The following MLANA variants were observed in gnomAD, a reference collection of about 807,000 sequenced individuals.
The protein encoded by MLANA is melanoma antigen recognized by T-cells 1.
MLANA carries 21 observed loss-of-function variants against 15.7 expected under a neutral mutation model. The observed-to-expected ratio is 1.33, with a 90% CI of 0.95 to 1.92. The LOEUF (loss-of-function observed/expected upper bound fraction) is 1.92, where lower values mean the gene tolerates loss of function less well. MLANA is among the 40% of genes most tolerant of loss of function. The pLI is 0.00. For missense variants in MLANA, 164 were observed against 143.8 expected (o/e 1.14, Z -0.72); for synonymous variants, 56 against 51.5 (o/e 1.09, Z -0.37).
Position 5,892,453 on chromosome 9 carries a change from T to G in MLANA, c.-22T>G, listed in dbSNP as rs1254507006. ...GCCCACATGCTCCTTCTGTTAGGTG[T>G]CCTGTGCCCTGACCCTACAAGATGC... On this transcript the variant is annotated 5_prime_UTR_variant, in exon 2 of 5. Coordinates refer to ENST00000381477, the MANE Select transcript of MLANA (RefSeq NM_005511.2). 6.2e-7 allele frequency: 1 copy of G among 1,605,292 alleles called. No individual in the cohort carries two copies. The highest frequency in any genetic ancestry group is 8.5e-7 in the Non-Finnish European group (1 of 1,176,608).
intron 3 of MLANA, 43 bp downstream of exon 3, chr9:5,897,696 C>T: frequency 6.6e-7 from 1 of 1,513,532 alleles, no homozygotes. Context: ...AAGTCCAGGG[C>T]CCTCTTTCCA....
At position 5,907,597 on chromosome 9, in the gene MLANA, A is replaced by G. The variant is rs375959440; in HGVS notation, c.288+599A>G. Among the ~76,000 whole-genome samples, 5 of 152,368 alleles carry G rather than the reference A, an allele frequency of 3.3e-5. No individual in the cohort carries two copies. In the East Asian group the frequency reaches 7.7e-4, roughly 23 times the overall value. ...AAATATTCTGAAAATATTAGGTTAA[A>G]CAAAATATTTTAAGATTAATTTTAC... On this transcript the variant is annotated intron_variant, in intron 4 of 4. Coordinates refer to ENST00000381477, the MANE Select transcript of MLANA (RefSeq NM_005511.2).
chr9:5,907,559 T>C lies in MLANA; in HGVS notation c.288+561T>C, dbSNP rs143434616. Reference sequence around the variant, plus strand: ...GGTTCATTAATGATTTTTATATTGATTCACCTTGAAATAAATATTCTGAAA... The same window carrying C: ...GGTTCATTAATGATTTTTATATTGACTCACCTTGAAATAAATATTCTGAAA... On this transcript the variant is annotated intron_variant, in intron 4 of 4. Coordinates refer to ENST00000381477, the MANE Select transcript of MLANA (RefSeq NM_005511.2). Among the ~76,000 whole-genome samples, 9 of 152,352 alleles carry C rather than the reference T, an allele frequency of 5.9e-5. 1 individual carries two copies. The East Asian group carries it at 1.7e-3, about 29-fold the overall frequency.
At position 5,894,261 on chromosome 9, in the gene MLANA, G is replaced by C. The variant is rs1831860873; in HGVS notation, c.77+1710G>C. Among the ~76,000 whole-genome samples, 1 of 152,096 alleles carries C rather than the reference G, an allele frequency of 6.6e-6. No homozygotes were observed. The highest frequency in any genetic ancestry group is 6.5e-5 in the Admixed American group (1 of 15,270). On this transcript the variant is annotated intron_variant, in intron 2 of 4. Coordinates refer to ENST00000381477, the MANE Select transcript of MLANA (RefSeq NM_005511.2). This position sits in a 1 kb window ranked among gnomAD's most constrained non-coding sequence, Gnocchi z 4.0. ...TCATAGCCAGGTGTACCCACAACCTGAACAAGGTAACTTTCAGGGTCTAGT... is the reference window on the plus strand; with the variant it reads ...TCATAGCCAGGTGTACCCACAACCTCAACAAGGTAACTTTCAGGGTCTAGT...
chr9:5,898,759 C>T (rs1175672941), intron 3 of MLANA, among the ~76,000 whole-genome samples: 4 of 152,328 alleles, frequency 2.6e-5, no homozygotes, highest in African/African-American at 7.2e-5. Flanking sequence ...TCACCCCTTT[C>T]CTCACTGGTT....
chr9:5,899,029 T>C (rs1015619793), intron 3 of MLANA: 1 of 152,246 alleles, frequency 6.6e-6, no homozygotes, highest in Non-Finnish European at 1.5e-5. Flanking sequence ...ACTGAGTTTA[T>C]AAGCTATAAA....
rs1833092546 is a variant in MLANA at position 5,910,378 on chromosome 9, C to CA, written c.*1674dup. The stretch of plus-strand genomic sequence containing the variant: ...ACACATCGAAAAAAACAACATTTAA[C>CA]AAAATATTAAAATATTTCCCCACTC... On this transcript the variant is annotated 3_prime_UTR_variant, in exon 5 of 5. Coordinates refer to ENST00000381477, the MANE Select transcript of MLANA (RefSeq NM_005511.2). 6.6e-6 allele frequency: 1 copy of CA among 152,184 alleles called. No homozygotes were observed. The highest frequency in any genetic ancestry group is 2.1e-4 in the South Asian group (1 of 4,830). 9.4% of individuals were successfully genotyped at this position (152,184 alleles called of 1,614,324 possible).
chr9:5,897,879 A>C (rs1832138762), intron 3 of MLANA, among the ~76,000 whole-genome samples: 1 of 152,236 alleles, frequency 6.6e-6, no homozygotes, highest in South Asian at 2.1e-4. Flanking sequence ...GTCTGTGATT[A>C]TAACATAATA....
intron 3 of MLANA, 103 bp from the exon 4 acceptor site, chr9:5,906,782 C>G (rs547037222): frequency 2.0e-4 from 134 of 682,056 alleles, no homozygotes; most frequent in Non-Finnish European, 3.2e-5. Context: ...AGTGGCAGAA[C>G]CTAGATTAAA....
At chr9:5,905,819 A>C (rs1179543546) in intron 3 of MLANA, among the ~76,000 whole-genome samples, 1 of 152,204 alleles carries the variant, frequency 6.6e-6, no homozygotes, top group Non-Finnish European at 1.5e-5. Context: ...ATCATAACCC[A>C]ACCACCTCAG....
intron 2 of MLANA, among the ~76,000 whole-genome samples, chr9:5,896,569 T>G (rs1307698033): frequency 2.0e-5 from 3 of 152,222 alleles, no homozygotes; most frequent in Non-Finnish European, 4.4e-5. Context: ...CTGTAGCTGC[T>G]CAGTCTCTTG....
intron 3 of MLANA, among the ~76,000 whole-genome samples, chr9:5,901,309 C>G (rs1346920376): frequency 6.6e-6 from 1 of 152,122 alleles, no homozygotes; most frequent in African/African-American, 2.4e-5. Context: ...CTGATCTTAG[C>G]AGAAAAGCTT....
rs2130013981 is a variant in MLANA at position 5,909,064 on chromosome 9, T to C, written c.*356T>C. ...ACTTGAAATTTGGCTAATAACAAAC[T>C]AGTCAGGTTTTCGAACCTTGACCGA... On this transcript the variant is annotated 3_prime_UTR_variant, in exon 5 of 5. Transcript: ENST00000381477. 3.6e-6 allele frequency: 1 copy of C among 281,200 alleles called. No individual in the cohort carries two copies. The highest frequency in any genetic ancestry group is 6.8e-6 in the Non-Finnish European group (1 of 147,984). The allele number at this position is 281,200 out of a possible 1,614,324, so 17.4% of individuals were successfully genotyped here. A position where few individuals can be genotyped will look rare whatever the true frequency, so the allele number is the denominator to read the frequency against.
rs1832648427 is a variant in MLANA, at chr9:5,904,278, G to A, written c.175-2607G>A. ...ACTCTGACAATCTGTCTTTTAATTG[G>A]TGCATTTAGACCATTGATATTCAAA... On this transcript the variant is annotated intron_variant, in intron 3 of 4. Transcript: ENST00000381477. 1.3e-5 allele frequency among the ~76,000 whole-genome samples: 2 copies of A among 152,160 alleles called. 1 individual carries two copies. Among genetic ancestry groups the A allele is most frequent in the South Asian group, 4.1e-4 (2 of 4,824 alleles).
chr9:5,897,176 C>G (rs551358842), intron 2 of MLANA, among the ~76,000 whole-genome samples: 1 of 152,290 alleles, frequency 6.6e-6, no homozygotes, highest in East Asian at 1.9e-4. Flanking sequence ...TTTCTATTTT[C>G]TCTTTGTGGG....
intron 2 of MLANA, among the ~76,000 whole-genome samples, chr9:5,895,072 C>T (rs1831924569): frequency 6.6e-6 from 1 of 152,216 alleles, no homozygotes; most frequent in Non-Finnish European, 1.5e-5. Flanking sequence ...AAAATACCCA[C>T]TCAACCCGTA....
intron 3 of MLANA, among the ~76,000 whole-genome samples, chr9:5,900,603 A>G (rs1832348571): frequency 6.6e-6 from 1 of 152,160 alleles, no homozygotes; most frequent in Non-Finnish European, 1.5e-5. Context: ...GAATTACTCC[A>G]CCTTTAACAA....
intron 3 of MLANA, among the ~76,000 whole-genome samples, chr9:5,904,125 T>C (rs956280865): frequency 2.0e-5 from 3 of 152,220 alleles, no homozygotes; most frequent in African/African-American, 7.2e-5. Context: ...CCCAAAGTGC[T>C]TGGGATTACA....
At chr9:5,893,150 T>C (rs899338346) in intron 2 of MLANA, among the ~76,000 whole-genome samples, 37 of 152,232 alleles carry the variant, frequency 2.4e-4, no homozygotes, top group African/African-American at 8.9e-4. Flanking sequence ...GTTTTTATCT[T>C]TGAAAAAACT....
Sources: allele counts gnomAD v4.1 joint callset (sites outside exome capture counted in the v4.1 genomes callset), GRCh38; gene constraint gnomAD v4.1.1; non-coding constraint Gnocchi (gnomAD v3.1); transcripts MANE v1.5; gene names NCBI Gene and HGNC (gene_info 2026-07-23, HGNC 2026-07-21).